Variants in HOXC4 observed in about 807,000 individuals in gnomAD.
HOXC4 encodes homeobox C4, also known as homeobox protein Hox-C4.
Under a neutral mutation model 25.5 loss-of-function variants are expected in HOXC4, and 15 were observed. That is an observed-to-expected ratio of 0.59 (90% CI 0.39 to 0.91). The LOEUF (loss-of-function observed/expected upper bound fraction) is 0.91. HOXC4 is among the 40% of genes least tolerant of loss of function. The pLI is 0.00. For missense variants in HOXC4, 342 were observed against 352.4 expected (o/e 0.97, Z 0.24); for synonymous variants, 165 against 148.0 (o/e 1.11, Z -0.83).
intron 1 of HOXC4, chr12:54,028,662 C>T (rs1299564177): frequency 1.9e-6 from 3 of 1,614,040 alleles, no homozygotes; most frequent in Admixed American, 3.3e-5. Context: ...TTGCCCAGAA[C>T]CGGATCTACT....
At chr12:54,045,587 A>G (rs1053624787) in intron 1 of HOXC4, among the ~76,000 whole-genome samples, 2 of 152,182 alleles carry the variant, frequency 1.3e-5, no homozygotes, top group Non-Finnish European at 2.9e-5. Flanking sequence ...TTTGCTGAAA[A>G]ACTTACATGT....
chr12:54,033,393 G>A, intron 1 of HOXC4: 1 of 1,612,568 alleles, frequency 6.2e-7, no homozygotes, highest in South Asian at 1.1e-5. Flanking sequence ...CAGAGACGAA[G>A]CGGCTCCTCT....
rs75256744 is a variant in HOXC4, at chr12:54,054,322, A to G, written c.400A>G (p.Ile134Val). 0.17 allele frequency: 270,369 copies of G among 1,567,228 alleles called. 24,934 individuals carry two copies. The highest frequency in any genetic ancestry group is 0.24 in the South Asian group (21,348 of 89,350). Reference sequence around the variant, plus strand: ...CTCCAGCGCCGCCAGCAAGCAACCCATAGTCTACCCATGGATGAAAAAAAT... The same window carrying G: ...CTCCAGCGCCGCCAGCAAGCAACCCGTAGTCTACCCATGGATGAAAAAAAT... ...HPSSAASKQP[I>V]VYPWMKKIHV... The change falls in exon 1 of 2, where the codon ATA becomes GTA. Residue 134 changes from isoleucine (I) to valine (V), a missense_variant. Physicochemically the swap from Ile to Val is conservative, Grantham distance 29. Coordinates refer to ENST00000430889, the MANE Select transcript of HOXC4 (RefSeq NM_153633.3).
rs370417613 is a variant in HOXC4, at chr12:54,039,879, T to C, written c.-123-13281T>C. Among the ~76,000 whole-genome samples the C allele has an allele frequency of 1.2e-4, 19 of 152,218 alleles. No individual in the cohort carries two copies. In the East Asian group the frequency reaches 3.7e-3, roughly 29 times the overall value. ...TCGGCCAAATCTCAGTCCCATTCCC[T>C]TCCTCTCTGTGTAGACGGGCATTCG... On this transcript the variant is annotated intron_variant, in intron 1 of 3. Transcript: ENST00000303406.
At position 54,023,432 on chromosome 12, in the gene HOXC4, T is replaced by G. The variant is rs190540502; in HGVS notation, c.-124+6018T>G. Among the ~76,000 whole-genome samples the G allele has an allele frequency of 2.7e-3, 418 of 152,120 alleles. 1 individual carries two copies. Among genetic ancestry groups the G allele is most frequent in the Non-Finnish European group, 5.1e-3 (349 of 67,990 alleles). On this transcript the variant is annotated intron_variant, in intron 1 of 3. Transcript: ENST00000303406. Reference sequence around the variant, plus strand: ...GGAAAGAGAGAGGGAGGAGAGGAAATGTGACATGAGTTAGCAGAGCCCTTC... The same window carrying G: ...GGAAAGAGAGAGGGAGGAGAGGAAAGGTGACATGAGTTAGCAGAGCCCTTC...
At chr12:54,028,858 C>A (rs747794723) in intron 1 of HOXC4, 7 of 1,613,964 alleles carry the variant, frequency 4.3e-6, no homozygotes, top group Middle Eastern at 1.6e-4. Context: ...CAGGACTGCG[C>A]CCCAGGACCA....
intron 1 of HOXC4, chr12:54,028,978 G>C: frequency 6.6e-7 from 1 of 1,508,674 alleles, no homozygotes; most frequent in South Asian, 1.3e-5. Context: ...TTTATGACCG[G>C]CTTCCCTAGA....
intron 1 of HOXC4, among the ~76,000 whole-genome samples, chr12:54,043,211 A>G (rs2016463504): frequency 1.3e-5 from 2 of 152,218 alleles, no homozygotes; most frequent in South Asian, 4.1e-4. Context: ...GCTGGGGAGC[A>G]AGTGCAGGGA....
upstream of HOXC4, chr12:54,053,439 G>A (rs1320157433): frequency 6.3e-6 from 1 of 159,200 alleles, no homozygotes; most frequent in Non-Finnish European, 1.4e-5. Context: ...GCTGCCCCGT[G>A]ACCTACACAG....
At chr12:54,030,546 A>T (rs1940947324) in intron 1 of HOXC4, 1 of 152,798 alleles carries the variant, frequency 6.5e-6, no homozygotes, top group Non-Finnish European at 1.5e-5. Context: ...GGCATTTTAC[A>T]AACTGTGACC....
Position 54,037,548 on chromosome 12 carries a change from C to A in HOXC4, c.-123-15612C>A, listed in dbSNP as rs1043889405. On this transcript the variant is annotated intron_variant, in intron 1 of 3. Coordinates refer to the HOXC4 transcript ENST00000303406. ...GGAAAAAATAAGAGGACAAAAAGAT[C>A]AACACGACCTCGAAGGCGACAGGTC... Among the ~76,000 whole-genome samples the A allele has an allele frequency of 1.1e-4, 16 of 152,270 alleles. No individual in the cohort carries two copies. The East Asian group carries it at 2.7e-3, about 26-fold the overall frequency.
At chr12:54,054,454 C>A in intron 1 of HOXC4, 93 bp downstream of exon 1, 1 of 785,304 alleles carries the variant, frequency 1.3e-6, no homozygotes, top group Non-Finnish European at 2.0e-6. Context: ...GTCCTCCTTT[C>A]TCTCCTTCCC....
intron 1 of HOXC4, chr12:54,034,605 G>A (rs1565746784): frequency 6.0e-6 from 5 of 839,488 alleles, no homozygotes; most frequent in Admixed American, 5.1e-5. Flanking sequence ...TGGAGCACTG[G>A]GCTCCCGGGC....
At chr12:54,052,561 C>A (rs1157568069), upstream of HOXC4, among the ~76,000 whole-genome samples, 3 of 126,684 alleles carry the variant, frequency 2.4e-5, no homozygotes, top group Non-Finnish European at 3.3e-5. Context: ...GACAGGACCA[C>A]CCCTAGCTGG....
upstream of HOXC4, among the ~76,000 whole-genome samples, chr12:54,052,135 C>T (rs1372618841): frequency 2.0e-5 from 3 of 151,956 alleles, no homozygotes; most frequent in South Asian, 4.1e-4. Flanking sequence ...ATCACGGCGG[C>T]GATCATAATA....
chr12:54,054,143 G>A lies in HOXC4; in HGVS notation c.221G>A (p.Gly74Glu). ...ERQYSCTSLQ[G>E]PGNSRGHGPA... ...CAGTATAGCTGCACCAGTCTCCAGG[G>A]GCCCGGCAATTCGCGAGGCCACGGG... The change falls in exon 1 of 2, where the codon GGG becomes GAG. Residue 74 changes from glycine (G) to glutamate (E), a missense_variant. Coordinates refer to ENST00000430889, the MANE Select transcript of HOXC4 (RefSeq NM_153633.3). 1 of 1,613,900 alleles carries A rather than the reference G, an allele frequency of 6.2e-7. No individual in the cohort carries two copies. The highest frequency in any genetic ancestry group is 8.5e-7 in the Non-Finnish European group (1 of 1,179,954).
Position 54,055,086 on chromosome 12 carries a change from C to G in HOXC4, c.676C>G (p.Pro226Ala), listed in dbSNP as rs757049815. Reference sequence around the variant, plus strand: ...CCCCAACACCAAAGTCAGGTCAGCACCCCCGGCCGGCGCTGCGCCCAGCAC... The same window carrying G: ...CCCCAACACCAAAGTCAGGTCAGCAGCCCCGGCCGGCGCTGCGCCCAGCAC... Reference protein sequence around the residue: ...RLPNTKVRSAPPAGAAPSTLS... With the variant: ...RLPNTKVRSAAPAGAAPSTLS... The change falls in exon 2 of 2, where the codon CCC becomes GCC. Residue 226 changes from proline to alanine, a missense_variant. Transcript: ENST00000430889. 2.5e-6 allele frequency: 4 copies of G among 1,613,360 alleles called. No homozygotes were observed. Among genetic ancestry groups the G allele is most frequent in the Middle Eastern group, 1.6e-4 (1 of 6,084 alleles).
chr12:54,054,236 G>T lies in HOXC4; in HGVS notation c.314G>T (p.Gly105Val). Residue 105 changes from glycine to valine, a missense_variant, in exon 1 of 2, where the codon GGC becomes GTC. By Grantham distance (109) the Gly-to-Val change is moderately radical (BLOSUM62 -3). Coordinates refer to ENST00000430889, the MANE Select transcript of HOXC4 (RefSeq NM_153633.3). ...QSLCEPAPLS[G>V]ASASPSPAPP... is the part of the protein sequence containing the mutation. ...CTCTGCGAGCCGGCGCCTCTCTCAG[G>T]CGCCTCCGCCTCCCCGTCCCCAGCC... 1 of 1,611,306 alleles carries T rather than the reference G, an allele frequency of 6.2e-7. No homozygotes were observed. The highest frequency in any genetic ancestry group is 8.5e-7 in the Non-Finnish European group (1 of 1,178,836).
chr12:54,020,710 G>C (rs1198367796), intron 1 of HOXC4: 1 of 152,140 alleles, frequency 6.6e-6, no homozygotes, highest in Non-Finnish European at 1.5e-5. Flanking sequence ...TGGGCTCATG[G>C]AGGCACCGGG....
Sources: allele counts gnomAD v4.1 joint callset (sites outside exome capture counted in the v4.1 genomes callset), GRCh38; gene constraint gnomAD v4.1.1; transcripts MANE v1.5; gene names NCBI Gene and HGNC (gene_info 2026-07-23, HGNC 2026-07-21).